Variants in MAGI2 observed in about 807,000 individuals in gnomAD.
The protein encoded by MAGI2 is membrane associated guanylate kinase, WW and PDZ domain containing 2, also known as membrane-associated guanylate kinase, WW and PDZ domain-containing protein 2.
Under a neutral mutation model 133.3 loss-of-function variants are expected in MAGI2, and 35 were observed. That is an observed-to-expected ratio of 0.26 (90% CI 0.20 to 0.35). The LOEUF (loss-of-function observed/expected upper bound fraction) is 0.35. MAGI2 is among the 10% of genes least tolerant of loss of function. MAGI2 has a pLI of 1.00. For missense variants in MAGI2, 1,636 were observed against 1,863.4 expected (o/e 0.88, Z 2.25); for synonymous variants, 729 against 710.6 (o/e 1.03, Z -0.41).
chr7:79,112,293 G>A (rs1021173616), intron 1 of MAGI2, among the ~76,000 whole-genome samples: 2 of 152,002 alleles, frequency 1.3e-5, no homozygotes, highest in South Asian at 2.1e-4. Flanking sequence ...AAGTCTATTC[G>A]CAAATATATA....
rs368440482 is a variant in MAGI2, at chr7:78,453,900, G to T, written c.1045+35861C>A. Among the ~76,000 whole-genome samples, 242 of 151,592 alleles carry T rather than the reference G, an allele frequency of 1.6e-3. 2 individuals carry two copies. The highest frequency in any genetic ancestry group is 3.5e-3 in the South Asian group (17 of 4,792). On this transcript the variant is annotated intron_variant, in intron 6 of 21. Transcript: ENST00000354212. ...CCTCTTTTACACAACATTTTTTTCC[G>T]TTTTTATTGGTATATAATAGTGGTC...
chr7:78,651,030 T>C (rs138504554), intron 2 of MAGI2, among the ~76,000 whole-genome samples: 1 of 152,294 alleles, frequency 6.6e-6, no homozygotes, highest in African/African-American at 2.4e-5. Context: ...GGTAACTTCA[T>C]CATTTTTCAT....
Position 78,160,068 on chromosome 7 carries a change from G to C in MAGI2, c.2802C>G (p.Val934=). ...CAGGCCTGTTCAGGGAGCTGATGAT[G>C]ACAAAGCCGAAGCCCTCATTCTCTT... ...HRKENEGFGF[V]IISSLNRPES... Residue 934 remains valine (V), a synonymous_variant, in exon 16 of 22, where the codon GTC becomes GTG. Coordinates refer to ENST00000354212, the MANE Select transcript of MAGI2 (RefSeq NM_012301.4). 2 of 1,603,564 alleles carry C rather than the reference G, an allele frequency of 1.2e-6. No homozygotes were observed. Among genetic ancestry groups the C allele is most frequent in the South Asian group, 2.3e-5 (2 of 88,660 alleles).
intron 1 of MAGI2, among the ~76,000 whole-genome samples, chr7:79,294,317 T>A (rs759031231): frequency 6.6e-6 from 1 of 151,136 alleles, no homozygotes; most frequent in African/African-American, 2.4e-5. Context: ...TGCGGACACA[T>A]AGAAGGGTGC....
chr7:78,537,872 T>C (rs1268124312), intron 3 of MAGI2, among the ~76,000 whole-genome samples: 1 of 152,178 alleles, frequency 6.6e-6, no homozygotes, highest in African/African-American at 2.4e-5. Context: ...ATTTATCTTT[T>C]TGTTGTATTT....
intron 3 of MAGI2, among the ~76,000 whole-genome samples, chr7:78,537,111 A>G (rs1798018482): frequency 6.6e-6 from 1 of 151,816 alleles, no homozygotes; most frequent in African/African-American, 2.4e-5. Flanking sequence ...CTCCAACTCC[A>G]TCCAGGTTGC....
intron 21 of MAGI2, among the ~76,000 whole-genome samples, chr7:78,054,555 A>C (rs1168041941): frequency 1.3e-5 from 2 of 151,056 alleles, no homozygotes; most frequent in Non-Finnish European, 2.9e-5. Flanking sequence ...ATTCTTATGT[A>C]ACGATTATTT....
intron 2 of MAGI2, among the ~76,000 whole-genome samples, chr7:78,738,836 T>C (rs1180379707): frequency 1.3e-5 from 2 of 152,120 alleles, no homozygotes; most frequent in Non-Finnish European, 2.9e-5. Flanking sequence ...GGTGAAGAAA[T>C]CTGTAGCATG....
At chr7:78,716,898 A>T (rs1156879399) in intron 2 of MAGI2, among the ~76,000 whole-genome samples, 2 of 152,170 alleles carry the variant, frequency 1.3e-5, no homozygotes, top group Non-Finnish European at 2.9e-5. Context: ...ACCTCAGGTA[A>T]CTGTTAGCCC....
chr7:78,109,532 T>G (rs1425497717), intron 20 of MAGI2, among the ~76,000 whole-genome samples: 1 of 151,798 alleles, frequency 6.6e-6, no homozygotes, highest in Non-Finnish European at 1.5e-5. Flanking sequence ...CTTGGGAGGC[T>G]GAGGCAGGAG....
At chr7:79,248,105 T>C (rs1407093458) in intron 1 of MAGI2, among the ~76,000 whole-genome samples, 2 of 152,136 alleles carry the variant, frequency 1.3e-5, no homozygotes, top group African/African-American at 4.8e-5. Context: ...TGCAATGATT[T>C]ACTGTATACA....
At chr7:78,137,374 TATC>T (rs1822264335) in intron 16 of MAGI2, among the ~76,000 whole-genome samples, 1 of 152,218 alleles carries the variant, frequency 6.6e-6, no homozygotes, top group Non-Finnish European at 1.5e-5. Context: ...TTAAATGAGT[TATC>T]ATATGTAAAG....
intron 1 of MAGI2, among the ~76,000 whole-genome samples, chr7:79,112,011 T>G (rs1818969694): frequency 6.6e-6 from 1 of 152,098 alleles, no homozygotes; most frequent in Non-Finnish European, 1.5e-5. Flanking sequence ...AAAATCTCCC[T>G]GTCTTTGGCC....
At chr7:79,083,794 G>T (rs1415367700) in intron 1 of MAGI2, among the ~76,000 whole-genome samples, 1 of 151,532 alleles carries the variant, frequency 6.6e-6, no homozygotes, top group Non-Finnish European at 1.5e-5. Flanking sequence ...AAACATCTGG[G>T]CCTGCAATTC....
chr7:78,422,845 T>G (rs967478383), intron 6 of MAGI2, among the ~76,000 whole-genome samples: 1 of 152,202 alleles, frequency 6.6e-6, no homozygotes, highest in Non-Finnish European at 1.5e-5. Flanking sequence ...CTGATAGTAT[T>G]GTTCCAGCTG....
At chr7:78,418,471 A>C (rs1211291915) in intron 6 of MAGI2, among the ~76,000 whole-genome samples, 1 of 152,134 alleles carries the variant, frequency 6.6e-6, no homozygotes, top group African/African-American at 2.4e-5. Context: ...ATTCAACAGA[A>C]TCTTCTATGA....
chr7:78,547,456 T>C (rs1225937090), intron 3 of MAGI2, among the ~76,000 whole-genome samples: 1 of 152,272 alleles, frequency 6.6e-6, no homozygotes, highest in Non-Finnish European at 1.5e-5. Flanking sequence ...TTGGTATGAT[T>C]GTTCTAGACT....
Position 78,282,301 on chromosome 7 carries a change from T to G in MAGI2, c.1409-25720A>C, listed in dbSNP as rs192556242. ...TATGCCAAATTCTTTCCAAAGGCCATTGAAGTGATACTGTTTGTCTTGCCA... is the reference window on the plus strand; with the variant it reads ...TATGCCAAATTCTTTCCAAAGGCCAGTGAAGTGATACTGTTTGTCTTGCCA... On this transcript the variant is annotated intron_variant, in intron 9 of 21. Coordinates refer to ENST00000354212, the MANE Select transcript of MAGI2 (RefSeq NM_012301.4). Among the ~76,000 whole-genome samples, 19 of 152,262 alleles carry G rather than the reference T, an allele frequency of 1.2e-4. No individual in the cohort carries two copies. The East Asian group carries it at 3.5e-3, about 28-fold the overall frequency.
chr7:79,155,919 T>C lies in MAGI2; in HGVS notation c.302-148713A>G, dbSNP rs576809232. Among the ~76,000 whole-genome samples, 123 of 152,238 alleles carry C rather than the reference T, an allele frequency of 8.1e-4. 1 individual carries two copies. The Middle Eastern group carries it at 0.031, about 38-fold the overall frequency. On this transcript the variant is annotated intron_variant, in intron 1 of 21. Coordinates refer to ENST00000354212, the MANE Select transcript of MAGI2 (RefSeq NM_012301.4). ...TAAGTGAAGAAGCATCAAACTGACT[T>C]TTTGAAAAGAACCTTTTGGCTAGAG...
Sources: allele counts gnomAD v4.1 joint callset (sites outside exome capture counted in the v4.1 genomes callset), GRCh38; gene constraint gnomAD v4.1.1; transcripts MANE v1.5; gene names NCBI Gene and HGNC (gene_info 2026-07-23, HGNC 2026-07-21).